Variants in CORO2B observed in about 807,000 individuals in gnomAD.
The protein encoded by CORO2B is coronin 2B.
Under a neutral mutation model 58.8 loss-of-function variants are expected in CORO2B, and 26 were observed. That is an observed-to-expected ratio of 0.44 (90% CI 0.32 to 0.61). The LOEUF (loss-of-function observed/expected upper bound fraction) is 0.61, where lower values mean the gene tolerates loss of function less well. Ranked by LOEUF, CORO2B falls within the 20% of genes least tolerant of loss-of-function variation. The pLI, the probability that CORO2B is intolerant of heterozygous loss-of-function variation, is 0.04. For missense variants in CORO2B, 460 were observed against 645.1 expected (o/e 0.71, Z 3.11); for synonymous variants, 242 against 253.8 (o/e 0.95, Z 0.44).
At chr15:68,562,702 C>T in the CORO2B span, among the ~76,000 whole-genome samples, 11 of 152,080 alleles carry the variant, frequency 7.2e-5, no homozygotes, top group Non-Finnish European at 1.5e-4. Flanking sequence ...AGGCCAGGCA[C>T]GGTGGCTCAT....
chr15:68,715,102 T>G (rs1006212925), intron 7 of CORO2B, 113 bp from the exon 8 acceptor site: 3 of 953,596 alleles, frequency 3.1e-6, no homozygotes, highest in Non-Finnish European at 5.0e-6. Flanking sequence ...CTTGGTTTTT[T>G]TAACTGCCCA....
At chr15:68,617,189 A>G (rs1900383281) in intron 1 of CORO2B, among the ~76,000 whole-genome samples, 1 of 149,502 alleles carries the variant, frequency 6.7e-6, no homozygotes, top group South Asian at 2.2e-4. Flanking sequence ...GATGAGTCAT[A>G]TCCTGACACT....
rs539988327 is a variant in CORO2B at position 68,636,837 on chromosome 15, G to A, written c.16-8323G>A. Among the ~76,000 whole-genome samples the A allele has an allele frequency of 3.9e-5, 6 of 152,334 alleles. No homozygotes were observed. In the South Asian group the frequency reaches 1.2e-3, roughly 32 times the overall value. ...GCTAATTGATGTCTTTTCTCCCAGTGCTGTCCAATGCAACACACTGCAGTG... is the reference window on the plus strand; with the variant it reads ...GCTAATTGATGTCTTTTCTCCCAGTACTGTCCAATGCAACACACTGCAGTG... On this transcript the variant is annotated intron_variant, in intron 1 of 11. Coordinates refer to ENST00000261861, the MANE Select transcript of CORO2B (RefSeq NM_006091.5).
intron 2 of CORO2B, among the ~76,000 whole-genome samples, chr15:68,679,937 A>T (rs1403079169): frequency 2.0e-5 from 3 of 152,190 alleles, no homozygotes; most frequent in Admixed American, 1.3e-4. Flanking sequence ...GCAAGGCTGA[A>T]GTTCTGAGCC....
At chr15:68,553,798 T>C in the CORO2B span, among the ~76,000 whole-genome samples, 2 of 152,076 alleles carry the variant, frequency 1.3e-5, no homozygotes, top group South Asian at 4.2e-4. Flanking sequence ...GGAGAGGAGA[T>C]GAAGCTATCA....
chr15:68,658,654 C>A (rs558132817), intron 2 of CORO2B, among the ~76,000 whole-genome samples: 5 of 152,346 alleles, frequency 3.3e-5, no homozygotes, highest in African/African-American at 1.2e-4. Flanking sequence ...GTTACTTAAC[C>A]TCCCTGAGCT....
At chr15:68,665,646 G>T (rs1432541711) in intron 2 of CORO2B, among the ~76,000 whole-genome samples, 1 of 151,846 alleles carries the variant, frequency 6.6e-6, no homozygotes, top group Admixed American at 6.6e-5. Flanking sequence ...TGTATTAAAA[G>T]CTTCTTCACA....
chr15:68,696,746 A>T (rs1359780555), intron 3 of CORO2B, among the ~76,000 whole-genome samples: 3 of 152,106 alleles, frequency 2.0e-5, no homozygotes, highest in African/African-American at 7.2e-5. Flanking sequence ...ACCAGCTTGG[A>T]AGAAAGAGGA....
chr15:68,519,552 C>T, the CORO2B span, among the ~76,000 whole-genome samples: 1 of 151,814 alleles, frequency 6.6e-6, no homozygotes, highest in Non-Finnish European at 1.5e-5. Context: ...TTTTGCTCTC[C>T]CTCTTTGTTC....
chr15:68,639,684 C>G (rs1183811970), intron 1 of CORO2B, among the ~76,000 whole-genome samples: 1 of 152,178 alleles, frequency 6.6e-6, no homozygotes, highest in African/African-American at 2.4e-5. Context: ...AATCTTGAAC[C>G]CCCCCAGGGA....
chr15:68,632,476 A>T, intron 1 of CORO2B: 1 of 972,496 alleles, frequency 1.0e-6, no homozygotes, highest in Non-Finnish European at 1.2e-6. Context: ...TCTGGCTCTT[A>T]AGATATTTTG....
At chr15:68,644,550 A>T (rs1304486699) in intron 1 of CORO2B, among the ~76,000 whole-genome samples, 1 of 152,204 alleles carries the variant, frequency 6.6e-6, no homozygotes. Context: ...AGCCTTGGAC[A>T]AGTCACTTAA....
chr15:68,568,564 G>A, the CORO2B span, among the ~76,000 whole-genome samples: 1 of 152,126 alleles, frequency 6.6e-6, no homozygotes, highest in African/African-American at 2.4e-5. Flanking sequence ...AGATTTCTGG[G>A]ACATCTGGGA....
chr15:68,635,882 G>A (rs1023471940), intron 1 of CORO2B, among the ~76,000 whole-genome samples: 2 of 152,012 alleles, frequency 1.3e-5, no homozygotes, highest in East Asian at 1.9e-4. Flanking sequence ...TCCCTCACTC[G>A]TATATTTATC....
In CORO2B at chr15:68,673,477, C is replaced by T. The variant is rs926807493; in HGVS notation, c.217-21663C>T. Among the ~76,000 whole-genome samples, 66 of 152,072 alleles carry T rather than the reference C, an allele frequency of 4.3e-4. 2 individuals carry two copies. On this transcript the variant is annotated intron_variant, in intron 2 of 11. Transcript: ENST00000261861. ...AGGCTGCAGTAAACTATGATCATGC[C>T]ACTGTACTCTGGCCTGGGCACACAG...
At chr15:68,518,403 T>C in the CORO2B span, among the ~76,000 whole-genome samples, 1 of 151,988 alleles carries the variant, frequency 6.6e-6, no homozygotes, top group East Asian at 1.9e-4. Flanking sequence ...CCTGCTTCCC[T>C]CTCCTTTCTT....
the CORO2B span, among the ~76,000 whole-genome samples, chr15:68,526,650 A>G: frequency 1.3e-5 from 2 of 152,198 alleles, no homozygotes; most frequent in African/African-American, 4.8e-5. Flanking sequence ...TTCACTTTAC[A>G]TATAGCTTTT....
At chr15:68,616,634 C>T (rs1033547711) in intron 1 of CORO2B, 31 of 984,720 alleles carry the variant, frequency 3.1e-5, no homozygotes, top group Non-Finnish European at 3.5e-5. Context: ...GCTGTGTCAG[C>T]GCGTGGGCCC....
At chr15:68,632,031 G>A in intron 1 of CORO2B, 2 of 985,478 alleles carry the variant, frequency 2.0e-6, no homozygotes, top group Non-Finnish European at 2.4e-6. Flanking sequence ...CAGGGCTAGA[G>A]GGTGACTAGC....
Sources: allele counts gnomAD v4.1 joint callset (sites outside exome capture counted in the v4.1 genomes callset), GRCh38; gene constraint gnomAD v4.1.1; transcripts MANE v1.5; gene names NCBI Gene and HGNC (gene_info 2026-07-23, HGNC 2026-07-21).